The following PCDHA7 variants were observed in gnomAD, a reference collection of about 807,000 sequenced individuals.
PCDHA7 encodes protocadherin alpha 7.
Under a neutral mutation model 57.2 loss-of-function variants are expected in PCDHA7, and 37 were observed. The observed-to-expected ratio is 0.65, with a 90% confidence interval of 0.50 to 0.85. PCDHA7 has a LOEUF of 0.85. PCDHA7 is among the 40% of genes least tolerant of loss of function. The pLI is 0.00. For synonymous variants in PCDHA7, 553 were observed against 558.8 expected, an observed-to-expected ratio of 0.99 and a Z score of 0.15; for missense variants, 1,188 against 1,241.8, an observed-to-expected ratio of 0.96 and a Z score of 0.65.
intron 1 of PCDHA7, chr5:140,855,890 A>C (rs1314408448): frequency 2.8e-5 from 28 of 999,762 alleles, no homozygotes; most frequent in African/African-American, 2.3e-4. Context: ...TTTAGAACAA[A>C]GGCATCAGCC....
intron 1 of PCDHA7, among the ~76,000 whole-genome samples, chr5:140,920,549 G>A (rs957534849): frequency 2.6e-5 from 4 of 152,120 alleles, no homozygotes; most frequent in Non-Finnish European, 5.9e-5. Flanking sequence ...TTTCACCTTC[G>A]AAGTGTGGCC....
At chr5:141,001,261 CTT>C (rs1437571267) in intron 3 of PCDHA7, among the ~76,000 whole-genome samples, 1 of 152,062 alleles carries the variant, frequency 6.6e-6, no homozygotes, top group East Asian at 1.9e-4. Flanking sequence ...GGCGGGCACT[CTT>C]ATGAACTTTT....
chr5:140,945,800 C>T (rs1411676680), intron 1 of PCDHA7, among the ~76,000 whole-genome samples: 1 of 152,026 alleles, frequency 6.6e-6, no homozygotes, highest in African/African-American at 2.4e-5. Flanking sequence ...TGAAACTAGA[C>T]CCTTATCTCA....
At position 140,963,092 on chromosome 5, in the gene PCDHA7, C is replaced by T. The variant is rs1202521389; in HGVS notation, c.2356-15857C>T. Among the ~76,000 whole-genome samples, 3 of 151,976 alleles carry T rather than the reference C, an allele frequency of 2.0e-5. No homozygotes were observed. The South Asian group carries it at 6.2e-4, about 32-fold the overall frequency. On this transcript the variant is annotated intron_variant, in intron 1 of 3. Transcript: ENST00000525929. Reference sequence around the variant, plus strand: ...GGAGACAGAAATATAAGACATGGCTCCTGCTTTCAGGTTGCTTATAATTAA... The same window carrying T: ...GGAGACAGAAATATAAGACATGGCTTCTGCTTTCAGGTTGCTTATAATTAA...
chr5:140,944,909 C>A (rs1320536064), intron 1 of PCDHA7, among the ~76,000 whole-genome samples: 1 of 152,136 alleles, frequency 6.6e-6, no homozygotes, highest in African/African-American at 2.4e-5. Flanking sequence ...CCACAAACTT[C>A]TCTTTATATT....
chr5:140,941,251 CTT>C (rs1177440606), intron 1 of PCDHA7, among the ~76,000 whole-genome samples: 1 of 121,786 alleles, frequency 8.2e-6, no homozygotes, highest in African/African-American at 3.1e-5. Flanking sequence ...TTCTTTCTTT[CTT>C]TCTCTTTCTT....
chr5:140,998,781 C>G (rs1554256464), intron 3 of PCDHA7, among the ~76,000 whole-genome samples: 1 of 152,162 alleles, frequency 6.6e-6, no homozygotes, highest in East Asian at 1.9e-4. Context: ...TCAGGCTGGT[C>G]TGGAACCCCT....
chr5:140,966,934 G>T, intron 1 of PCDHA7: 1 of 1,604,080 alleles, frequency 6.2e-7, no homozygotes, highest in Non-Finnish European at 8.5e-7. Context: ...CACCCGGCGC[G>T]CTCGTGGGCA....
intron 1 of PCDHA7, among the ~76,000 whole-genome samples, chr5:140,938,925 CT>C (rs1316558463): frequency 2.0e-5 from 3 of 151,992 alleles, no homozygotes; most frequent in African/African-American, 7.2e-5. Flanking sequence ...AAGAAATTGG[CT>C]TTTAACTTTC....
intron 1 of PCDHA7, chr5:140,884,429 C>G: frequency 6.2e-7 from 1 of 1,613,964 alleles, no homozygotes. Flanking sequence ...GTATACTGCG[C>G]TGCGGTGCTC....
intron 1 of PCDHA7, chr5:140,876,899 C>A (rs781884794): frequency 5.0e-6 from 8 of 1,613,974 alleles, no homozygotes; most frequent in Non-Finnish European, 6.8e-6. Context: ...CACATCTTCA[C>A]GGTGTCGGCA....
At chr5:140,854,131 C>T in intron 1 of PCDHA7, 1 of 404,286 alleles carries the variant, frequency 2.5e-6, no homozygotes, top group Non-Finnish European at 3.3e-6. Flanking sequence ...AACTGCATTT[C>T]AGCCCGGGTG....
At chr5:140,892,894 TC>T (rs1198816126) in intron 1 of PCDHA7, among the ~76,000 whole-genome samples, 8 of 152,158 alleles carry the variant, frequency 5.3e-5, no homozygotes, top group Non-Finnish European at 7.4e-5. Context: ...AACCAACCTT[TC>T]CCCATCCTCC....
intron 1 of PCDHA7, chr5:140,851,591 T>C: frequency 1.1e-6 from 1 of 917,932 alleles, no homozygotes. Context: ...TTTTTTGAAA[T>C]TCAGTTTACA....
intron 1 of PCDHA7, among the ~76,000 whole-genome samples, chr5:140,950,405 T>G (rs1258791881): frequency 3.3e-5 from 5 of 152,042 alleles, no homozygotes; most frequent in African/African-American, 1.2e-4. Flanking sequence ...TCTGGGGGAT[T>G]GACAGATTTT....
chr5:140,923,529 A>C lies in PCDHA7; in HGVS notation c.2356-55420A>C, dbSNP rs915297152. Among the ~76,000 whole-genome samples the C allele has an allele frequency of 1.5e-4, 23 of 152,138 alleles. 1 individual carries two copies. The highest frequency in any genetic ancestry group is 1.2e-3 in the Admixed American group (19 of 15,268). On this transcript the variant is annotated intron_variant, in intron 1 of 3. Transcript: ENST00000525929. ...GGATGATGAAGTGAGATTCTGTCCC[A>C]AAAAAAGGACAAAATGAAATATCAG... is the stretch of plus-strand genomic sequence containing the variant.
At chr5:140,860,585 A>G (rs782000527) in intron 1 of PCDHA7, 1 of 152,230 alleles carries the variant, frequency 6.6e-6, no homozygotes, top group African/African-American at 2.4e-5. Flanking sequence ...AAGGTATAGG[A>G]AAGGAGTTGG....
chr5:140,885,385 T>C (rs2060578484), intron 1 of PCDHA7, among the ~76,000 whole-genome samples: 1 of 152,194 alleles, frequency 6.6e-6, no homozygotes, highest in South Asian at 2.1e-4. Flanking sequence ...TGGCAGTCCC[T>C]GCAAATCTAA....
At chr5:140,907,938 T>C (rs2073706734) in intron 1 of PCDHA7, among the ~76,000 whole-genome samples, 1 of 152,206 alleles carries the variant, frequency 6.6e-6, no homozygotes, top group African/African-American at 2.4e-5. Flanking sequence ...TCACATACCT[T>C]TTCCCCAAAT....
Sources: gnomAD v4.1 joint callset for allele counts (sites outside exome capture counted in the v4.1 genomes callset) on GRCh38, gnomAD v4.1.1 for gene constraint, MANE v1.5 for transcripts, NCBI Gene and HGNC (gene_info 2026-07-23, HGNC 2026-07-21) for gene names.